The following ERC2 variants were observed in gnomAD, a reference collection of about 807,000 sequenced individuals.
The protein encoded by ERC2 is ELKS/RAB6-interacting/CAST family member 2, also known as ERC protein 2.
ERC2 carries 42 observed loss-of-function variants against 114.8 expected under a neutral mutation model. The observed-to-expected ratio is 0.37, with a 90% confidence interval of 0.29 to 0.47. The LOEUF (loss-of-function observed/expected upper bound fraction) is 0.47. Ranked by LOEUF, ERC2 falls within the 20% of genes least tolerant of loss-of-function variation. The pLI is 0.99. For synonymous variants in ERC2, 454 were observed against 425.5 expected, an observed-to-expected ratio of 1.07 and a Z score of -0.82; for missense variants, 939 against 1,150.7, an observed-to-expected ratio of 0.82 and a Z score of 2.66.
chr3:56,014,919 A>G (rs1479820276), intron 8 of ERC2, among the ~76,000 whole-genome samples: 7 of 152,202 alleles, frequency 4.6e-5, no homozygotes, highest in African/African-American at 1.7e-4. Flanking sequence ...AAATTATTAA[A>G]AGATGAAAAG....
chr3:55,754,942 C>G (rs2066954533), intron 14 of ERC2, among the ~76,000 whole-genome samples: 1 of 152,046 alleles, frequency 6.6e-6, no homozygotes, highest in African/African-American at 2.4e-5. Flanking sequence ...TTAGGTCATT[C>G]CTTAGTTAAA....
At chr3:56,343,201 C>G (rs2058167998) in intron 2 of ERC2, among the ~76,000 whole-genome samples, 1 of 150,512 alleles carries the variant, frequency 6.6e-6, no homozygotes, top group African/African-American at 2.4e-5. Context: ...CTCACACACA[C>G]ACACACACAA....
At chr3:55,873,138 T>G (rs1575957630) in intron 14 of ERC2, among the ~76,000 whole-genome samples, 1 of 152,080 alleles carries the variant, frequency 6.6e-6, no homozygotes, top group East Asian at 1.9e-4. Context: ...TTTGCCAAAA[T>G]AATTCCCCCA....
chr3:55,709,476 C>T (rs2063660612), intron 15 of ERC2, among the ~76,000 whole-genome samples: 1 of 152,032 alleles, frequency 6.6e-6, no homozygotes, highest in African/African-American at 2.4e-5. Flanking sequence ...GAGACACCAC[C>T]ATCAGAAGGG....
chr3:56,459,196 G>A (rs2063199953), intron 1 of ERC2, among the ~76,000 whole-genome samples: 1 of 152,094 alleles, frequency 6.6e-6, no homozygotes, highest in Non-Finnish European at 1.5e-5. Context: ...ATAAGAACTG[G>A]TAACCACAGT....
chr3:55,774,355 G>A (rs115789462), intron 14 of ERC2, among the ~76,000 whole-genome samples: 2,941 of 152,292 alleles, frequency 0.019, 103 homozygotes, highest in African/African-American at 0.067. Flanking sequence ...TGTGCATTTA[G>A]ACACTGGGGA....
intron 2 of ERC2, among the ~76,000 whole-genome samples, chr3:56,430,475 G>C (rs1019418254): frequency 1.3e-5 from 2 of 152,162 alleles, no homozygotes; most frequent in African/African-American, 4.8e-5. Flanking sequence ...TTGCCCCACT[G>C]TCCTCCATTT....
intron 2 of ERC2, among the ~76,000 whole-genome samples, chr3:56,408,131 T>C (rs756013393): frequency 2.0e-4 from 30 of 152,182 alleles, no homozygotes; most frequent in Non-Finnish European, 4.0e-4. Flanking sequence ...AGACTCGGGA[T>C]ACCTTCAGTC....
At chr3:56,190,431 T>C (rs2083912277) in intron 3 of ERC2, among the ~76,000 whole-genome samples, 1 of 152,120 alleles carries the variant, frequency 6.6e-6, no homozygotes, top group African/African-American at 2.4e-5. Context: ...CAATAAGTGT[T>C]AGCTATCTGT....
At chr3:55,887,503 C>T (rs1237737173) in intron 14 of ERC2, among the ~76,000 whole-genome samples, 1 of 152,120 alleles carries the variant, frequency 6.6e-6, no homozygotes, top group East Asian at 1.9e-4. Context: ...TGTATGTTTC[C>T]CCTTACTGTG....
At chr3:55,889,901 T>A (rs2063526632) in intron 13 of ERC2, among the ~76,000 whole-genome samples, 1 of 152,224 alleles carries the variant, frequency 6.6e-6, no homozygotes, top group African/African-American at 2.4e-5. Flanking sequence ...ATAAGCATTA[T>A]AGTTCACATC....
At chr3:56,335,502 A>C (rs2150472928) in intron 2 of ERC2, among the ~76,000 whole-genome samples, 1 of 152,326 alleles carries the variant, frequency 6.6e-6, no homozygotes, top group East Asian at 1.9e-4. Context: ...TAGCAACTCC[A>C]GTGTGCACTG....
chr3:56,466,343 T>C (rs748779165), intron 1 of ERC2, among the ~76,000 whole-genome samples: 19 of 152,162 alleles, frequency 1.2e-4, no homozygotes, highest in Non-Finnish European at 2.2e-4. Context: ...AATCAGTAAT[T>C]TTTCTAATGA....
chr3:55,708,404 C>G (rs1057160725), intron 15 of ERC2, among the ~76,000 whole-genome samples: 5 of 152,166 alleles, frequency 3.3e-5, no homozygotes, highest in African/African-American at 1.2e-4. Context: ...CTTAGTTAAG[C>G]GCAGGTCTGT....
At chr3:55,894,524 C>G (rs527842197) in intron 13 of ERC2, among the ~76,000 whole-genome samples, 16 of 152,202 alleles carry the variant, frequency 1.1e-4, no homozygotes, top group Non-Finnish European at 1.6e-4. Context: ...TCTACGTGTA[C>G]CCATCACCCA....
chr3:55,745,189 C>A (rs894942853), intron 14 of ERC2, among the ~76,000 whole-genome samples: 2 of 152,194 alleles, frequency 1.3e-5, no homozygotes, highest in African/African-American at 4.8e-5. Flanking sequence ...AGTCTGCTGA[C>A]CACAGAAGAG....
chr3:56,434,888 T>C lies in ERC2; in HGVS notation c.120A>G (p.Thr40=), dbSNP rs755008583. 4 of 1,613,866 alleles carry C rather than the reference T, an allele frequency of 2.5e-6. No individual in the cohort carries two copies. Among genetic ancestry groups the C allele is most frequent in the Non-Finnish European group, 3.4e-6 (4 of 1,179,864 alleles). ...RRTSSGGGGG[T]GKTLSMENIQ... is the part of the protein sequence containing the mutation. The stretch of plus-strand genomic sequence containing the variant: ...TATTCTCCATAGACAGAGTCTTGCC[T>C]GTTCCTCCACCTCCCCCACTACTTG... Residue 40 remains threonine (T), a synonymous_variant, in exon 2 of 18, where the codon ACA becomes ACG. Coordinates refer to ENST00000288221, the MANE Select transcript of ERC2 (RefSeq NM_015576.3).
chr3:55,657,093 C>G (rs1424028219), intron 17 of ERC2: 1 of 152,180 alleles, frequency 6.6e-6, no homozygotes, highest in Non-Finnish European at 1.5e-5. Flanking sequence ...GCTATGACAC[C>G]CATCTCCTGG....
At chr3:56,414,638 T>C (rs2061075100) in intron 2 of ERC2, among the ~76,000 whole-genome samples, 1 of 151,684 alleles carries the variant, frequency 6.6e-6, no homozygotes, top group Admixed American at 6.6e-5. Context: ...GGCAGAAGAA[T>C]TGCTTGAACC....
Sources: allele counts gnomAD v4.1 joint callset (sites outside exome capture counted in the v4.1 genomes callset), GRCh38; gene constraint gnomAD v4.1.1; transcripts MANE v1.5; gene names NCBI Gene and HGNC (gene_info 2026-07-23, HGNC 2026-07-21).